The following ZMYM4 variants were observed in gnomAD, a reference collection of about 807,000 sequenced individuals.
ZMYM4 encodes zinc finger MYM-type protein 4.
ZMYM4 carries 31 observed loss-of-function variants against 183.2 expected under a neutral mutation model. The ratio of observed to expected loss-of-function variants is 0.17; its 90% CI spans 0.13 to 0.23. The LOEUF is 0.23. Among genes scored for constraint, ZMYM4 ranks in the 10% least tolerant of loss-of-function variants. The pLI is 1.00. For missense variants in ZMYM4, 1,273 were observed against 1,840.3 expected (o/e 0.69, Z 5.64); for synonymous variants, 592 against 631.2 (o/e 0.94, Z 0.93).
intron 7 of ZMYM4, among the ~76,000 whole-genome samples, chr1:35,376,914 G>A (rs1363653920): frequency 2.6e-5 from 4 of 151,810 alleles, no homozygotes; most frequent in Admixed American, 6.6e-5. Context: ...AAGTACATAC[G>A]TCTCTTTTTT....
chr1:35,376,030 C>T (rs962863334), intron 7 of ZMYM4, among the ~76,000 whole-genome samples: 3 of 151,360 alleles, frequency 2.0e-5, no homozygotes, highest in African/African-American at 4.9e-5. Flanking sequence ...GAGCTATGAT[C>T]ACACTCCTGC....
intron 1 of ZMYM4, among the ~76,000 whole-genome samples, chr1:35,277,451 C>A (rs1335566931): frequency 6.6e-6 from 1 of 152,124 alleles, no homozygotes; most frequent in African/African-American, 2.4e-5. Flanking sequence ...TATAGTCATT[C>A]CATTAGATGG....
At chr1:35,298,819 T>C (rs189275842) in intron 1 of ZMYM4, among the ~76,000 whole-genome samples, 1 of 151,618 alleles carries the variant, frequency 6.6e-6, no homozygotes, top group Non-Finnish European at 1.5e-5. Flanking sequence ...CAGAGAAGAG[T>C]GGGTTTGGAG....
intron 23 of ZMYM4, among the ~76,000 whole-genome samples, chr1:35,399,786 C>G (rs1177493719): frequency 6.6e-6 from 1 of 151,894 alleles, no homozygotes; most frequent in African/African-American, 2.4e-5. Flanking sequence ...TAAGGGTTTT[C>G]TTTTATATTG....
intron 1 of ZMYM4, among the ~76,000 whole-genome samples, chr1:35,284,022 T>C (rs1418866419): frequency 6.6e-6 from 1 of 151,850 alleles, no homozygotes; most frequent in Non-Finnish European, 1.5e-5. Context: ...CAGGCTGGAC[T>C]GCGGACTGCA....
intron 2 of ZMYM4, among the ~76,000 whole-genome samples, chr1:35,327,047 G>T (rs1642533448): frequency 6.6e-6 from 1 of 152,102 alleles, no homozygotes; most frequent in Non-Finnish European, 1.5e-5. Context: ...TTTTGGTAGA[G>T]ATGGGGTTTT....
intron 22 of ZMYM4, among the ~76,000 whole-genome samples, chr1:35,399,269 G>C (rs757774537): frequency 2.6e-5 from 4 of 151,990 alleles, no homozygotes; most frequent in African/African-American, 4.8e-5. Flanking sequence ...AACCTTTCCC[G>C]TAGTAGCTAT....
In ZMYM4 at chr1:35,390,079, G is replaced by A. The variant is rs199573548; in HGVS notation, c.2568G>A (p.Pro856=). ...MFCNQQSVCD[P]PSQNNAANIS... is the part of the protein sequence containing the mutation. ...GTAATCAGCAAAGTGTATGTGACCCGCCTTCACAAAATAATGCAGGTAAAA... is the reference window on the plus strand; with the variant it reads ...GTAATCAGCAAAGTGTATGTGACCCACCTTCACAAAATAATGCAGGTAAAA... Residue 856 remains proline (P), a synonymous_variant, in exon 15 of 30, where the codon CCG becomes CCA. Coordinates refer to ENST00000314607, the MANE Select transcript of ZMYM4 (RefSeq NM_005095.3). 11 of 1,613,046 alleles carry A rather than the reference G, an allele frequency of 6.8e-6. No homozygotes were observed. The highest frequency in any genetic ancestry group is 2.2e-5 in the South Asian group (2 of 90,914).
intron 1 of ZMYM4, among the ~76,000 whole-genome samples, chr1:35,273,323 AT>A (rs1166549898): frequency 1.3e-5 from 2 of 152,132 alleles, no homozygotes; most frequent in African/African-American, 2.4e-5. Context: ...ATATTATTTA[AT>A]TTTTTTAGAT....
chr1:35,370,292 G>A, intron 6 of ZMYM4, 80 bp from the exon 7 acceptor site: 1 of 1,423,462 alleles, frequency 7.0e-7, no homozygotes, highest in East Asian at 2.6e-5. Context: ...AAGAAAGAAT[G>A]TCTACTTAAA....
rs773768988 is a variant in ZMYM4, at chr1:35,397,361, A to G, written c.3031-16A>G. 37 of 1,570,744 alleles carry G rather than the reference A, an allele frequency of 2.4e-5. No individual in the cohort carries two copies. Among genetic ancestry groups the G allele is most frequent in the African/African-American group, 2.7e-5 (2 of 73,350 alleles). The stretch of plus-strand genomic sequence containing the variant: ...TGTTGCCAAAGAAAGCCTTCAGTCT[A>G]TCCTTGGTCTTTCAGATGCCTGTCC... On this transcript the variant is annotated splice_polypyrimidine_tract_variant and intron_variant, in intron 19 of 29. Transcript: ENST00000314607.
chr1:35,392,614 A>G, intron 16 of ZMYM4, 33 bp from the exon 17 acceptor site: 1 of 1,567,090 alleles, frequency 6.4e-7, no homozygotes, highest in Non-Finnish European at 8.7e-7. Flanking sequence ...ATAATTGTAA[A>G]GATCCTAAAT....
intron 19 of ZMYM4, 97 bp downstream of exon 19, chr1:35,396,767 A>G (rs1287553743): frequency 2.2e-6 from 3 of 1,356,868 alleles, no homozygotes; most frequent in Non-Finnish European, 3.0e-6. Context: ...TGTTAGTAAA[A>G]TATACCTGCT....
chr1:35,377,227 A>G (rs1031757913), intron 7 of ZMYM4, among the ~76,000 whole-genome samples: 8 of 152,116 alleles, frequency 5.3e-5, no homozygotes, highest in African/African-American at 1.9e-4. Flanking sequence ...CCATATTTTG[A>G]CTAAGGGTTT....
chr1:35,272,325 T>A (rs2148663107), intron 1 of ZMYM4, among the ~76,000 whole-genome samples: 1 of 152,366 alleles, frequency 6.6e-6, no homozygotes, highest in Middle Eastern at 3.4e-3. Context: ...AAAAAGTTGC[T>A]AAGCACCTGT....
At chr1:35,354,727 TAAAAAAAAAAAAA>T (rs57493035) in intron 2 of ZMYM4, among the ~76,000 whole-genome samples, 6,824 of 84,104 alleles carry the variant, frequency 0.081, 283 homozygotes, top group South Asian at 0.13. Context: ...ACTTTGTCTT[TAAAAAAAAAAAAA>T]AAAAAAAAAA....
chr1:35,409,866 G>T (rs982136937), intron 26 of ZMYM4, among the ~76,000 whole-genome samples: 3 of 151,884 alleles, frequency 2.0e-5, no homozygotes, highest in Non-Finnish European at 4.4e-5. Context: ...CTTGAACCCA[G>T]GAGGCAGAGT....
intron 29 of ZMYM4, 64 bp downstream of exon 29, chr1:35,418,636 A>G: frequency 6.3e-7 from 1 of 1,586,122 alleles, no homozygotes; most frequent in South Asian, 1.2e-5. Context: ...TGGATTTCAG[A>G]TGCTTGAACA....
At chr1:35,383,975 C>A (rs1644521248) in intron 9 of ZMYM4, among the ~76,000 whole-genome samples, 1 of 152,122 alleles carries the variant, frequency 6.6e-6, no homozygotes, top group African/African-American at 2.4e-5. Context: ...TGAAAGAATG[C>A]CTAGTATGTA....
Sources: gnomAD v4.1 joint callset for allele counts (sites outside exome capture counted in the v4.1 genomes callset) on GRCh38, gnomAD v4.1.1 for gene constraint, MANE v1.5 for transcripts, NCBI Gene and HGNC (gene_info 2026-07-23, HGNC 2026-07-21) for gene names.